The following MAST2 variants were observed in gnomAD, a reference collection of about 807,000 sequenced individuals.
The protein encoded by MAST2 is microtubule-associated serine/threonine-protein kinase 2.
Under a neutral mutation model 147.4 loss-of-function variants are expected in MAST2, and 70 were observed. The ratio of observed to expected loss-of-function variants is 0.47; its 90% CI spans 0.39 to 0.58. MAST2 has a LOEUF of 0.58. MAST2 is among the 20% of genes least tolerant of loss of function. The pLI is 0.00. For missense variants in MAST2, 2,080 were observed against 2,302.3 expected, an observed-to-expected ratio of 0.90 and a Z score of 1.98; for synonymous variants, 869 against 896.8, an observed-to-expected ratio of 0.97 and a Z score of 0.55.
chr1:45,867,431 A>G (rs1050207908), intron 3 of MAST2, among the ~76,000 whole-genome samples: 1 of 152,210 alleles, frequency 6.6e-6, no homozygotes, highest in Non-Finnish European at 1.5e-5. Context: ...GGGAGGTAGC[A>G]GAATAGTAAA....
intron 4 of MAST2, among the ~76,000 whole-genome samples, chr1:45,895,582 A>G (rs1044967995): frequency 1.3e-5 from 2 of 152,228 alleles, no homozygotes; most frequent in Non-Finnish European, 2.9e-5. Flanking sequence ...CGTGAGGTGT[A>G]CTTCTCTGAT....
Position 46,022,937 on chromosome 1 carries a change from G to C in MAST2, c.1451G>C (p.Ser484Thr), listed in dbSNP as rs750808179. 6.2e-7 allele frequency: 1 copy of C among 1,614,178 alleles called. No homozygotes were observed. Among genetic ancestry groups the C allele is most frequent in the Non-Finnish European group, 8.5e-7 (1 of 1,180,012 alleles). ...EEMAQLSSCD[S>T]PDTPETDDSI... is the part of the protein sequence containing the mutation. ...ATGGCCCAGTTGAGCAGCTGTGACA[G>C]TCCTGACACTCCAGAGACAGATGAT... The change falls in exon 13 of 29, where the codon AGT becomes ACT. Residue 484 changes from serine (S) to threonine (T), a missense_variant. This residue lies in a region of MAST2 where 569 missense variants were observed against 642.5 expected (regional missense o/e 0.89). Coordinates refer to ENST00000361297, the MANE Select transcript of MAST2 (RefSeq NM_015112.3).
chr1:45,926,586 T>G (rs1399494539), intron 4 of MAST2, among the ~76,000 whole-genome samples: 1 of 152,224 alleles, frequency 6.6e-6, no homozygotes, highest in Non-Finnish European at 1.5e-5. Flanking sequence ...AAAAACACTT[T>G]GAATTACATT....
chr1:45,944,387 ACTT>A lies in MAST2; in HGVS notation c.501-14998_501-14996del, dbSNP rs759424640. ...TGATTTTTATTTATTGAAACCAACT[ACTT>A]TAAATTTTTTTATCTATTTCAGTGT... On this transcript the variant is annotated intron_variant, in intron 4 of 28. Transcript: ENST00000361297. Among the ~76,000 whole-genome samples, 84 of 152,218 alleles carry A rather than the reference ACTT, an allele frequency of 5.5e-4. No individual in the cohort carries two copies. The East Asian group carries it at 0.013, about 24-fold the overall frequency.
intron 5 of MAST2, among the ~76,000 whole-genome samples, chr1:45,985,333 A>T (rs1366524866): frequency 6.6e-6 from 1 of 151,832 alleles, no homozygotes; most frequent in Non-Finnish European, 1.5e-5. Flanking sequence ...ACCTCAGGTG[A>T]TCCATCCGCC....
intron 4 of MAST2, among the ~76,000 whole-genome samples, chr1:45,945,473 C>T (rs1015350660): frequency 2.6e-5 from 4 of 152,172 alleles, no homozygotes; most frequent in Non-Finnish European, 5.9e-5. Flanking sequence ...CCTTATGTAG[C>T]GTCTCTACCC....
intron 4 of MAST2, among the ~76,000 whole-genome samples, chr1:45,894,697 G>A (rs1472125511): frequency 6.6e-6 from 1 of 152,142 alleles, no homozygotes; most frequent in Non-Finnish European, 1.5e-5. Context: ...AACCATGACA[G>A]CCAAAATTCA....
chr1:45,829,101 A>G (rs1398513725), intron 2 of MAST2, among the ~76,000 whole-genome samples: 1 of 152,160 alleles, frequency 6.6e-6, no homozygotes, highest in East Asian at 1.9e-4. Context: ...CTCTAATGTT[A>G]CATTGAGGTG....
intron 4 of MAST2, among the ~76,000 whole-genome samples, chr1:45,908,945 C>T (rs1463750029): frequency 6.6e-6 from 1 of 152,152 alleles, no homozygotes; most frequent in Non-Finnish European, 1.5e-5. Context: ...TATATTTTGT[C>T]TATTCTTATG....
chr1:45,809,225 GTAAT>G (rs1027577533), intron 1 of MAST2, among the ~76,000 whole-genome samples: 18 of 152,332 alleles, frequency 1.2e-4, no homozygotes, highest in African/African-American at 4.1e-4. Flanking sequence ...CATTCAGTAA[GTAAT>G]TGTTTATTGT....
Position 45,803,719 on chromosome 1 carries a change from T to A in MAST2, c.-177T>A, listed in dbSNP as rs1644056245. On this transcript the variant is annotated 5_prime_UTR_variant, in exon 1 of 29. Coordinates refer to ENST00000361297, the MANE Select transcript of MAST2 (RefSeq NM_015112.3). ...TCTTCCGTGAGGAGCGCAGAGGAGG[T>A]CGCGGCGCCGGAGGCCCCAGAAGGC... 2.9e-6 allele frequency: 1 copy of A among 342,400 alleles called. No homozygotes were observed. Among genetic ancestry groups the A allele is most frequent in the East Asian group, 4.5e-5 (1 of 21,982 alleles). 21.2% of individuals were successfully genotyped at this position (342,400 alleles called of 1,614,324 possible).
At chr1:45,832,263 G>A (rs965963369) in intron 3 of MAST2, among the ~76,000 whole-genome samples, 2 of 151,734 alleles carry the variant, frequency 1.3e-5, no homozygotes, top group Admixed American at 6.6e-5. Context: ...GATGTCTGGG[G>A]TTAGTCACAA....
chr1:45,934,862 G>A (rs955634491), intron 4 of MAST2, among the ~76,000 whole-genome samples: 5 of 152,222 alleles, frequency 3.3e-5, no homozygotes, highest in African/African-American at 1.2e-4. Context: ...TGATGAACAT[G>A]TGAGTGCATA....
chr1:45,894,007 G>A (rs2148423680), intron 4 of MAST2, among the ~76,000 whole-genome samples: 1 of 152,222 alleles, frequency 6.6e-6, no homozygotes, highest in African/African-American at 2.4e-5. Flanking sequence ...TTGAGCTCAG[G>A]AGTTTGAGAC....
intron 12 of MAST2, 141 bp downstream of exon 12, chr1:46,022,223 C>T (rs879027882): frequency 2.0e-6 from 2 of 1,004,054 alleles, no homozygotes; most frequent in Admixed American, 2.6e-5. Context: ...TAGGAGATAC[C>T]CTGTGATCTC....
At chr1:45,886,313 TACACACACACACAC>T (rs56032969) in intron 4 of MAST2, among the ~76,000 whole-genome samples, 27 of 145,588 alleles carry the variant, frequency 1.9e-4, no homozygotes, top group South Asian at 1.5e-3. Context: ...TATCTATAAG[TACACACACACACAC>T]ACACACACAC....
At chr1:45,913,089 C>G (rs1651925873) in intron 4 of MAST2, among the ~76,000 whole-genome samples, 1 of 152,140 alleles carries the variant, frequency 6.6e-6, no homozygotes, top group Non-Finnish European at 1.5e-5. Context: ...TATGGCTTTT[C>G]TTACCACAAG....
intron 4 of MAST2, among the ~76,000 whole-genome samples, chr1:45,903,155 G>A (rs1650080114): frequency 1.9e-5 from 2 of 103,922 alleles, no homozygotes; most frequent in African/African-American, 3.8e-5. Context: ...TTTGGAGACA[G>A]AGTCTCACTC....
At chr1:45,987,762 G>GTTTTTTTTTTTTTTTTTTTTTTTT (rs11462786) in intron 5 of MAST2, among the ~76,000 whole-genome samples, 1 of 62,734 alleles carries the variant, frequency 1.6e-5, no homozygotes, top group Non-Finnish European at 2.8e-5. Flanking sequence ...AGCATTTCTT[G>GTTTTTTTTTTTTTTTTTTTTTTTT]TTTTTTTTTT....
Sources: gnomAD v4.1 joint callset for allele counts (sites outside exome capture counted in the v4.1 genomes callset) on GRCh38, gnomAD v4.1.1 for gene constraint, gnomAD v4.1.1 regional missense constraint, MANE v1.5 for transcripts, NCBI Gene and HGNC (gene_info 2026-07-23, HGNC 2026-07-21) for gene names.